Variants in ZMYND8 observed in about 807,000 individuals in gnomAD.
ZMYND8 encodes MYND-type zinc finger-containing chromatin reader ZMYND8.
A neutral mutation model predicts 140.8 loss-of-function variants in ZMYND8; 37 were observed. The ratio of observed to expected loss-of-function variants is 0.26; its 90% CI spans 0.20 to 0.35. The LOEUF (loss-of-function observed/expected upper bound fraction) is 0.35, where lower values mean the gene tolerates loss of function less well. Ranked by LOEUF, ZMYND8 falls within the 10% of genes least tolerant of loss-of-function variation. The probability of loss-of-function intolerance (pLI) is 1.00; values close to 1 mark genes in which losing one functional copy is unlikely to be tolerated. For missense variants in ZMYND8, 1,068 were observed against 1,570.0 expected, an observed-to-expected ratio of 0.68 and a Z score of 5.40; for synonymous variants, 592 against 597.1, an observed-to-expected ratio of 0.99 and a Z score of 0.12.
intron 10 of ZMYND8, 64 bp downstream of exon 10, chr20:47,282,038 T>C: frequency 7.6e-7 from 1 of 1,312,614 alleles, no homozygotes; most frequent in Non-Finnish European, 1.1e-6. Flanking sequence ...CTTCTTTTCT[T>C]ATCTCATAAC....
chr20:47,340,429 T>C (rs905015045), intron 2 of ZMYND8, among the ~76,000 whole-genome samples: 3 of 151,230 alleles, frequency 2.0e-5, no homozygotes, highest in Non-Finnish European at 2.9e-5. Context: ...TAGTGTACTA[T>C]GATGGCAACT....
chr20:47,257,058 C>T (rs2074788544), intron 12 of ZMYND8, among the ~76,000 whole-genome samples: 1 of 152,164 alleles, frequency 6.6e-6, no homozygotes, highest in Non-Finnish European at 1.5e-5. Flanking sequence ...GTCTCAGAAA[C>T]TCATTCCTAT....
chr20:47,310,244 G>A (rs1401164122), intron 2 of ZMYND8, 40 bp from the exon 3 acceptor site: 2 of 1,557,410 alleles, frequency 1.3e-6, no homozygotes. Flanking sequence ...AAGCAGTCAG[G>A]GAGGCCTGGG....
intron 19 of ZMYND8, among the ~76,000 whole-genome samples, chr20:47,222,487 G>A (rs557101227): frequency 6.6e-6 from 1 of 152,288 alleles, no homozygotes; most frequent in Non-Finnish European, 1.5e-5. Context: ...AGTGAGCTGA[G>A]ATCGCGCCGT....
intron 10 of ZMYND8, among the ~76,000 whole-genome samples, chr20:47,281,016 G>A (rs992367015): frequency 2.0e-5 from 3 of 152,092 alleles, no homozygotes; most frequent in African/African-American, 4.8e-5. Context: ...CTTCTTCCCC[G>A]CTAGGATGTC....
intron 21 of ZMYND8, among the ~76,000 whole-genome samples, chr20:47,213,618 CA>C (rs1408901951): frequency 6.6e-6 from 1 of 152,238 alleles, no homozygotes; most frequent in East Asian, 1.9e-4. Context: ...CTGGCTATGA[CA>C]GGGGTGGGAG....
chr20:47,212,796 C>G lies in ZMYND8; in HGVS notation c.3485-71G>C, dbSNP rs151313704. On this transcript the variant is annotated intron_variant, in intron 21 of 22. Transcript: ENST00000471951. ...AATTCCGCACAACCCCAAGTGCTTA[C>G]TATTTTTGTTCATCAACAGGCTACT... 11 of 1,405,020 alleles carry G rather than the reference C, an allele frequency of 7.8e-6. No individual in the cohort carries two copies. The African/African-American group carries it at 1.4e-4, about 18-fold the overall frequency. The allele number at this position is 1,405,020 out of a possible 1,614,324, so 87.0% of individuals were successfully genotyped here.
At chr20:47,276,838 A>C (rs774309588) in intron 10 of ZMYND8, 43 bp from the exon 11 acceptor site, 2 of 1,505,150 alleles carry the variant, frequency 1.3e-6, no homozygotes, top group East Asian at 2.3e-5. Context: ...CAACTTCAGT[A>C]ATTTCCAAGA....
chr20:47,340,514 G>T (rs1283857659), intron 2 of ZMYND8, among the ~76,000 whole-genome samples: 1 of 151,814 alleles, frequency 6.6e-6, no homozygotes, highest in Admixed American at 6.6e-5. Context: ...AAAAAAGGCC[G>T]GAGGCGTGGT....
Position 47,328,151 on chromosome 20 carries a change from G to A in ZMYND8, c.86-17947C>T, listed in dbSNP as rs528189989. 6.6e-5 allele frequency among the ~76,000 whole-genome samples: 10 copies of A among 152,280 alleles called. No homozygotes were observed. The South Asian group carries it at 1.5e-3, about 22-fold the overall frequency. The stretch of plus-strand genomic sequence containing the variant: ...TAAACTTGAAAGGCCCTTAAAGGGT[G>A]TAACAGGACAGGGGAAGCAGAGAAG... On this transcript the variant is annotated intron_variant, in intron 2 of 22. Coordinates refer to ENST00000471951, the MANE Select transcript of ZMYND8 (RefSeq NM_001281775.3).
In ZMYND8 at chr20:47,238,840, C is replaced by T. The variant is rs529291086; in HGVS notation, c.2583G>A (p.Gln861=). 5.6e-5 allele frequency: 90 copies of T among 1,613,078 alleles called. No individual in the cohort carries two copies. The African/African-American group carries it at 1.2e-3, about 21-fold the overall frequency. Residue 861 remains glutamine (Q), a synonymous_variant, in exon 15 of 23, where the codon CAG becomes CAA. Transcript: ENST00000471951. The part of the protein sequence containing the change: ...KWHMQKMQRQ[Q]QQQQQQNQQQ... ...GCTGGTTTTGCTGCTGCTGCTGCTG[C>T]TGCTGACGCTGCATCTTCTGCATGT...
intron 1 of ZMYND8, 67 bp from the exon 2 acceptor site, chr20:47,347,993 T>A: frequency 2.0e-6 from 3 of 1,515,098 alleles, no homozygotes; most frequent in Middle Eastern, 1.7e-4. Flanking sequence ...GGCAGCTATT[T>A]GGAAGTTCTA....
chr20:47,274,742 C>T lies in ZMYND8; in HGVS notation c.1480+1572G>A, dbSNP rs147170782. On this transcript the variant is annotated intron_variant, in intron 11 of 22. Coordinates refer to ENST00000471951, the MANE Select transcript of ZMYND8 (RefSeq NM_001281775.3). Reference sequence around the variant, plus strand: ...GATATAGACTGCAGCCTTTATTTTACAGAACCAAAAGCCACAGGCTCTCTC... The same window carrying T: ...GATATAGACTGCAGCCTTTATTTTATAGAACCAAAAGCCACAGGCTCTCTC... Among the ~76,000 whole-genome samples, 316 of 152,224 alleles carry T rather than the reference C, an allele frequency of 2.1e-3. 2 individuals carry two copies. The Middle Eastern group carries it at 0.037, about 18-fold the overall frequency.
rs367713887 is a variant in ZMYND8 at position 47,315,860 on chromosome 20, A to C, written c.86-5656T>G. ...ACCCTCTGCCTCTCACCCATCCCCC[A>C]AAAATGAGTGGTTCTGAATGAGTTA... On this transcript the variant is annotated intron_variant, in intron 2 of 22. Transcript: ENST00000471951. 3.3e-5 allele frequency among the ~76,000 whole-genome samples: 5 copies of C among 152,202 alleles called. No homozygotes were observed. In the South Asian group the frequency reaches 8.3e-4, roughly 25 times the overall value.
intron 10 of ZMYND8, among the ~76,000 whole-genome samples, chr20:47,280,124 CAAA>C (rs72091806): frequency 6.6e-5 from 6 of 90,862 alleles, no homozygotes; most frequent in Admixed American, 2.4e-4. Context: ...GACTCTGCTC[CAAA>C]AAAAAAAAAA....
Position 47,255,722 on chromosome 20 carries a change from GTATATATATATATATATATATATATA to G in ZMYND8, c.1622-6309_1622-6284del, listed in dbSNP as rs369654557. Among the ~76,000 whole-genome samples the G allele has an allele frequency of 0.011, 863 of 77,774 alleles. 69 individuals are homozygous for G. In the East Asian group the frequency reaches 0.2, roughly 18 times the overall value. 51.0% of individuals were successfully genotyped at this position (77,774 alleles called of 152,430 possible). On this transcript the variant is annotated intron_variant, in intron 12 of 22. Coordinates refer to ENST00000471951, the MANE Select transcript of ZMYND8 (RefSeq NM_001281775.3). ...ATATATATATATACCGTGTATGTGT[GTATATATATATATATATATATATATA>G]TATATATATATATATACGGTATATA...
At chr20:47,249,711 G>C (rs1428846856) in intron 12 of ZMYND8, among the ~76,000 whole-genome samples, 2 of 152,196 alleles carry the variant, frequency 1.3e-5, no homozygotes, top group South Asian at 4.1e-4. Context: ...ATCCCAGCCA[G>C]ATGGCTCAGT....
chr20:47,259,250 TG>T (rs2074982541), intron 12 of ZMYND8, among the ~76,000 whole-genome samples: 1 of 152,194 alleles, frequency 6.6e-6, no homozygotes, highest in African/African-American at 2.4e-5. Flanking sequence ...ACCACAGATT[TG>T]GGAACAATGA....
intron 3 of ZMYND8, among the ~76,000 whole-genome samples, chr20:47,306,832 T>TA (rs2078524588): frequency 6.6e-6 from 1 of 152,168 alleles, no homozygotes; most frequent in Non-Finnish European, 1.5e-5. Flanking sequence ...AATCTTCACA[T>TA]ATGCCAAAGT....
Sources: allele counts gnomAD v4.1 joint callset (sites outside exome capture counted in the v4.1 genomes callset), GRCh38; gene constraint gnomAD v4.1.1; transcripts MANE v1.5; gene names NCBI Gene and HGNC (gene_info 2026-07-23, HGNC 2026-07-21).